FBXW4: variants seen among roughly 807,000 people sequenced by gnomAD.
FBXW4 encodes the protein F-box/WD repeat-containing protein 4.
Under a neutral mutation model 61.8 loss-of-function variants are expected in FBXW4, and 40 were observed. The observed-to-expected ratio is 0.65, with a 90% CI of 0.50 to 0.84. The LOEUF (loss-of-function observed/expected upper bound fraction) is 0.84. Among genes scored for constraint, FBXW4 ranks in the 40% least tolerant of loss-of-function variants. The probability of loss-of-function intolerance (pLI) is 0.00; values close to 1 mark genes in which losing one functional copy is unlikely to be tolerated. For missense variants in FBXW4, 672 were observed against 753.8 expected (o/e 0.89, Z 1.27); for synonymous variants, 311 against 313.8 (o/e 0.99, Z 0.10).
Position 101,612,339 on chromosome 10 carries a change from G to A in FBXW4, c.1440C>T (p.Val480=), listed in dbSNP as rs530878487. Residue 480 remains valine (V), a splice_region_variant and synonymous_variant, in exon 7 of 9, where the codon GTC becomes GTT. Transcript: ENST00000331272. ...TCCTCCCTGCCCAGCACACTCACCG[G>A]ACGCTGGTGCGGAGGTCCCAGTAGC... is the stretch of plus-strand genomic sequence containing the variant. ...YVRYWDLRTS[V]RKCVMEWEEP... 9.6e-6 allele frequency: 15 copies of A among 1,564,158 alleles called. No homozygotes were observed. In the South Asian group the frequency reaches 1.7e-4, roughly 18 times the overall value.
intron 5 of FBXW4, among the ~76,000 whole-genome samples, chr10:101,642,378 C>A (rs1197450052): frequency 3.1e-5 from 4 of 129,766 alleles, no homozygotes; most frequent in Non-Finnish European, 6.5e-5. Flanking sequence ...TAGCGGGACC[C>A]TATCTCTATT....
chr10:101,627,841 CAGACTCCTCCCTTG>C, intron 5 of FBXW4: 1 of 488,260 alleles, frequency 2.0e-6, no homozygotes, highest in African/African-American at 2.1e-5. Context: ...CCCCCACACT[CAGACTCCTCCCTTG>C]AGACTCACGG....
chr10:101,624,238 G>A (rs1401367564), intron 6 of FBXW4, among the ~76,000 whole-genome samples: 6 of 149,886 alleles, frequency 4.0e-5, no homozygotes, highest in Non-Finnish European at 8.9e-5. Flanking sequence ...GTAACTTCCT[G>A]TGAATCTATA....
At position 101,695,154 on chromosome 10, in the gene FBXW4, C is replaced by T. The variant is rs1003161280; in HGVS notation, c.-49G>A. The T allele has an allele frequency of 1.2e-4, 118 of 985,170 alleles. 1 individual carries two copies. The highest frequency in any genetic ancestry group is 7.4e-4 in the Admixed American group (12 of 16,214). 61.0% of individuals were successfully genotyped at this position (985,170 alleles called of 1,614,324 possible). The stretch of plus-strand genomic sequence containing the variant: ...CGCGGAGCCCAGCCCGAGCCGCCAC[C>T]GCCGCCGCCCCGGGAGGAGGCGACA... On this transcript the variant is annotated 5_prime_UTR_variant, in exon 1 of 9. Coordinates refer to ENST00000331272, the MANE Select transcript of FBXW4 (RefSeq NM_022039.4). The surrounding 1 kb of genome is among the most constrained non-coding windows in gnomAD (Gnocchi z 4.2).
intron 5 of FBXW4, among the ~76,000 whole-genome samples, chr10:101,637,391 CAAAAAAAAAAAA>C (rs908050683): frequency 4.0e-4 from 6 of 14,858 alleles, no homozygotes; most frequent in Admixed American, 1.4e-3. Flanking sequence ...GACTCCGTCT[CAAAAAAAAAAAA>C]AAAAAAAAAA....
At chr10:101,636,823 A>G (rs1305416088) in intron 5 of FBXW4, among the ~76,000 whole-genome samples, 1 of 152,018 alleles carries the variant, frequency 6.6e-6, no homozygotes, top group East Asian at 1.9e-4. Context: ...TCCTGACCTC[A>G]GGTGATCCAC....
intron 1 of FBXW4, among the ~76,000 whole-genome samples, chr10:101,691,406 C>A (rs746440331): frequency 3.3e-5 from 5 of 152,210 alleles, no homozygotes; most frequent in Non-Finnish European, 5.9e-5. Flanking sequence ...CGAGCAGTGA[C>A]CCTGCTCTTT....
intron 6 of FBXW4, among the ~76,000 whole-genome samples, chr10:101,623,832 G>A (rs1157059676): frequency 1.3e-5 from 2 of 152,184 alleles, no homozygotes; most frequent in African/African-American, 2.4e-5. Context: ...GTTTCAAAAA[G>A]TGACATATTG....
intron 5 of FBXW4, among the ~76,000 whole-genome samples, chr10:101,650,057 G>A (rs981034862): frequency 2.0e-5 from 3 of 152,176 alleles, no homozygotes; most frequent in Non-Finnish European, 4.4e-5. Flanking sequence ...TAGGCATCTT[G>A]TCTCACAGCA....
chr10:101,662,211 C>A (rs2064251208), intron 5 of FBXW4, among the ~76,000 whole-genome samples: 1 of 152,124 alleles, frequency 6.6e-6, no homozygotes, highest in Non-Finnish European at 1.5e-5. Flanking sequence ...ATGCATCTAC[C>A]ACACACACAA....
chr10:101,695,218 GC>G (rs2064664246), upstream of FBXW4: 1 of 983,702 alleles, frequency 1.0e-6, no homozygotes, highest in South Asian at 4.7e-5. This position sits in a 1 kb window ranked among gnomAD's most constrained non-coding sequence, Gnocchi z 4.2. Flanking sequence ...CGCGGGCCGA[GC>G]CCTGGGCACG....
chr10:101,617,763 G>A (rs1269092395), intron 6 of FBXW4, among the ~76,000 whole-genome samples: 1 of 152,176 alleles, frequency 6.6e-6, no homozygotes, highest in African/African-American at 2.4e-5. Context: ...GAAACGCAAA[G>A]TATCAGTTTG....
chr10:101,694,734 C>T lies in FBXW4; in HGVS notation c.372G>A (p.Arg124=). 7.3e-7 allele frequency: 1 copy of T among 1,367,940 alleles called. No individual in the cohort carries two copies. The highest frequency in any genetic ancestry group is 9.4e-7 in the Non-Finnish European group (1 of 1,068,694). 84.7% of individuals were successfully genotyped at this position (1,367,940 alleles called of 1,614,324 possible). ...CGCCCTCCCGCCGCCTAGCCCTGAC[C>T]CTCCATTCCTCCTTCTTCCCATACT... The part of the protein sequence containing the change: ...GREYGKKEEW[R]VRARRREGAR... Residue 124 remains arginine (R), a synonymous_variant, in exon 1 of 9, where the codon AGG becomes AGA. Coordinates refer to ENST00000331272, the MANE Select transcript of FBXW4 (RefSeq NM_022039.4). The surrounding 1 kb of genome is among the most constrained non-coding windows in gnomAD (Gnocchi z 6.0).
In FBXW4 at chr10:101,611,672, C is replaced by T. The variant is rs373454801; in HGVS notation, c.1540G>A (p.Gly514Ser). ...HLLATGSSYY[G>S]VVRLWDRRQR... The stretch of plus-strand genomic sequence containing the variant: ...CGCCGGTCCCACAGCCGTACAACAC[C>T]GTAGTAGGAGGAACCTGTGGCCAGC... Residue 514 changes from glycine to serine, a missense_variant, in exon 8 of 9, where the codon GGT (glycine) becomes AGT (serine). Physicochemically the swap from Gly to Ser is moderately conservative, Grantham distance 56 (BLOSUM62 0). This residue lies in a region of FBXW4 where 312 missense variants were observed against 370.1 expected (regional missense o/e 0.84). Coordinates refer to ENST00000331272, the MANE Select transcript of FBXW4 (RefSeq NM_022039.4). This position sits in a 1 kb window ranked among gnomAD's most constrained non-coding sequence, Gnocchi z 4.9. 1.2e-6 allele frequency: 2 copies of T among 1,614,068 alleles called. No individual in the cohort carries two copies. Among genetic ancestry groups the T allele is most frequent in the East Asian group, 2.2e-5 (1 of 44,884 alleles).
At chr10:101,615,543 C>G (rs1239123561) in intron 6 of FBXW4, among the ~76,000 whole-genome samples, 2 of 152,040 alleles carry the variant, frequency 1.3e-5, no homozygotes. Context: ...CAGGCTGCTC[C>G]TGGGAACCCC....
intron 1 of FBXW4, among the ~76,000 whole-genome samples, chr10:101,691,221 G>A (rs1199031684): frequency 2.0e-5 from 3 of 152,096 alleles, no homozygotes; most frequent in African/African-American, 7.2e-5. Context: ...CTTTGGGCCC[G>A]GGTTCGCTGA....
intron 5 of FBXW4, among the ~76,000 whole-genome samples, chr10:101,664,756 T>G (rs1273289135): frequency 6.6e-6 from 1 of 152,188 alleles, no homozygotes; most frequent in Non-Finnish European, 1.5e-5. Flanking sequence ...ATTATAGCCC[T>G]TTTTGAGGAT....
Position 101,611,510 on chromosome 10 carries a change from C to T in FBXW4, c.1585-100G>A. ...GGCCCAGGGGAAGAGGGACGTGTGC[C>T]ATTGTAGGCTTCTTCCAACCCTTTC... is the stretch of plus-strand genomic sequence containing the variant. On this transcript the variant is annotated intron_variant, in intron 8 of 8. Transcript: ENST00000331272. The surrounding 1 kb of genome is among the most constrained non-coding windows in gnomAD (Gnocchi z 4.9). 1.3e-6 allele frequency: 2 copies of T among 1,569,322 alleles called. No homozygotes were observed. Among genetic ancestry groups the T allele is most frequent in the Non-Finnish European group, 1.7e-6 (2 of 1,154,336 alleles).
chr10:101,667,793 T>C, intron 5 of FBXW4, 93 bp downstream of exon 5: 1 of 1,159,422 alleles, frequency 8.6e-7, no homozygotes, highest in Non-Finnish European at 1.3e-6. Context: ...CAACCTAGAA[T>C]ACACAACAGG....
Sources: gnomAD v4.1 joint callset for allele counts (sites outside exome capture counted in the v4.1 genomes callset) on GRCh38, gnomAD v4.1.1 for gene constraint, gnomAD v4.1.1 regional missense constraint, Gnocchi (gnomAD v3.1) non-coding constraint, MANE v1.5 for transcripts, NCBI Gene and HGNC (gene_info 2026-07-23, HGNC 2026-07-21) for gene names.